Variants in GRIK3 observed in about 807,000 individuals in gnomAD.
GRIK3 encodes the protein glutamate receptor ionotropic, kainate 3.
In GRIK3, 29 loss-of-function variants were observed where a neutral mutation model predicts 102.5. The observed-to-expected ratio is 0.28, with a 90% CI of 0.21 to 0.39. GRIK3 has a LOEUF of 0.39. GRIK3 is among the 10% of genes least tolerant of loss of function. The pLI is 1.00. For synonymous variants in GRIK3, 511 were observed against 504.9 expected (o/e 1.01, Z -0.16); for missense variants, 908 against 1,252.4 (o/e 0.73, Z 4.15).
intron 1 of GRIK3, among the ~76,000 whole-genome samples, chr1:36,989,610 G>A (rs1216435670): frequency 6.6e-6 from 1 of 152,192 alleles, no homozygotes; most frequent in Non-Finnish European, 1.5e-5. Flanking sequence ...CACATGCTTG[G>A]ATCTCTGGGA....
chr1:36,841,529 T>C (rs1336406128), intron 10 of GRIK3, among the ~76,000 whole-genome samples: 1 of 152,172 alleles, frequency 6.6e-6, no homozygotes, highest in African/African-American at 2.4e-5. Context: ...GAGAATGGCG[T>C]TGGGAGTATG....
chr1:36,978,885 GAAAC>G (rs1165595719), intron 1 of GRIK3, among the ~76,000 whole-genome samples: 1 of 152,202 alleles, frequency 6.6e-6, no homozygotes, highest in East Asian at 1.9e-4. Flanking sequence ...GAGGGGTAGG[GAAAC>G]AAACTCCGCC....
At chr1:36,853,969 C>T (rs528934383) in intron 7 of GRIK3, among the ~76,000 whole-genome samples, 22 of 152,294 alleles carry the variant, frequency 1.4e-4, no homozygotes, top group East Asian at 9.6e-4. Context: ...ATCTTGGATG[C>T]GCTCAAATGA....
Position 36,917,592 on chromosome 1 carries a change from A to G in GRIK3, c.116-26496T>C, listed in dbSNP as rs112772154. ...TAGTGAATAAGTCTCACGAGATTTA[A>G]TAAGGAGGAGTTTCCCTGCACAAGC... On this transcript the variant is annotated intron_variant, in intron 1 of 15. Coordinates refer to ENST00000373091, the MANE Select transcript of GRIK3 (RefSeq NM_000831.4). 5.3e-3 allele frequency among the ~76,000 whole-genome samples: 805 copies of G among 152,284 alleles called. 7 individuals are homozygous for G. Among genetic ancestry groups the G allele is most frequent in the African/African-American group, 0.019 (771 of 41,544 alleles).
At chr1:36,984,655 C>T (rs1475443206) in intron 1 of GRIK3, among the ~76,000 whole-genome samples, 3 of 152,184 alleles carry the variant, frequency 2.0e-5, no homozygotes, top group Non-Finnish European at 2.9e-5. Flanking sequence ...TGGCTACAAA[C>T]CCTTGGGAGA....
At chr1:36,815,488 G>C (rs1385791156) in intron 13 of GRIK3, among the ~76,000 whole-genome samples, 1 of 152,220 alleles carries the variant, frequency 6.6e-6, no homozygotes, top group Non-Finnish European at 1.5e-5. Context: ...AGAGCCCAGA[G>C]GAAAGGAAAA....
intron 1 of GRIK3, among the ~76,000 whole-genome samples, chr1:36,906,519 C>T (rs547808): frequency 0.037 from 5,673 of 152,320 alleles, 268 homozygotes; most frequent in East Asian, 0.11. Context: ...CAAATAAAAG[C>T]TACCATGCAA....
chr1:36,917,886 GT>G (rs1313902159), intron 1 of GRIK3, among the ~76,000 whole-genome samples: 1 of 152,154 alleles, frequency 6.6e-6, no homozygotes, highest in Non-Finnish European at 1.5e-5. Flanking sequence ...AGCTGCTCTT[GT>G]CAAAAGCCAG....
At chr1:36,966,221 G>T (rs904338813) in intron 1 of GRIK3, among the ~76,000 whole-genome samples, 1 of 152,184 alleles carries the variant, frequency 6.6e-6, no homozygotes, top group African/African-American at 2.4e-5. Flanking sequence ...CTCTCCACAG[G>T]CCCAGTTCTG....
chr1:36,957,907 C>G (rs1641942105), intron 1 of GRIK3, among the ~76,000 whole-genome samples: 1 of 81,660 alleles, frequency 1.2e-5, no homozygotes, highest in African/African-American at 6.8e-5. Flanking sequence ...CCCTGTGAGT[C>G]TGTGCCCCGT....
Position 36,850,005 on chromosome 1 carries a change from A to T in GRIK3, c.1326+306T>A. The T allele has an allele frequency of 3.4e-6, 1 of 297,678 alleles. No individual in the cohort carries two copies. The highest frequency in any genetic ancestry group is 7.9e-5 in the East Asian group (1 of 12,670). The allele number at this position is 297,678 out of a possible 1,614,324, so 18.4% of individuals were successfully genotyped here. ...ACTGGGGTGGGAGAGGCGAATCCTCACTCAGGTTGCAATGGGCTGTCAAAC... is the reference window on the plus strand; with the variant it reads ...ACTGGGGTGGGAGAGGCGAATCCTCTCTCAGGTTGCAATGGGCTGTCAAAC... On this transcript the variant is annotated intron_variant, in intron 9 of 15. Coordinates refer to ENST00000373091, the MANE Select transcript of GRIK3 (RefSeq NM_000831.4). This position sits in a 1 kb window ranked among gnomAD's most constrained non-coding sequence, Gnocchi z 4.0.
intron 11 of GRIK3, among the ~76,000 whole-genome samples, chr1:36,823,615 G>A (rs1056288782): frequency 1.3e-5 from 2 of 151,962 alleles, no homozygotes. Flanking sequence ...GGTACAACCT[G>A]TTGGAGCTGA....
chr1:36,962,035 GAC>G (rs149286366), intron 1 of GRIK3, among the ~76,000 whole-genome samples: 8,826 of 152,216 alleles, frequency 0.058, 374 homozygotes, highest in Non-Finnish European at 0.088. Context: ...CTGGTGGGAA[GAC>G]ACAGAAAAAT....
At chr1:36,838,876 C>T (rs1415664998) in intron 10 of GRIK3, among the ~76,000 whole-genome samples, 1 of 152,160 alleles carries the variant, frequency 6.6e-6, no homozygotes, top group Non-Finnish European at 1.5e-5. Context: ...ATAGGCTCAT[C>T]AATTGTAGGG....
chr1:36,925,073 G>T (rs4653232), intron 1 of GRIK3, among the ~76,000 whole-genome samples: 152,296 of 152,342 alleles, frequency 1, 76,127 homozygotes, highest in Middle Eastern at 1. Flanking sequence ...ATTATTCAGA[G>T]GATAACAAAT....
chr1:36,924,562 T>G (rs1423388118), intron 1 of GRIK3, among the ~76,000 whole-genome samples: 1 of 152,100 alleles, frequency 6.6e-6, no homozygotes, highest in Non-Finnish European at 1.5e-5. Flanking sequence ...GGTACCCGGT[T>G]GGGGGAGTAG....
At chr1:36,971,746 C>T (rs1273765207) in intron 1 of GRIK3, among the ~76,000 whole-genome samples, 1 of 152,120 alleles carries the variant, frequency 6.6e-6, no homozygotes, top group Non-Finnish European at 1.5e-5. Flanking sequence ...AGGTGGATAG[C>T]AGAGTGAAGA....
intron 13 of GRIK3, among the ~76,000 whole-genome samples, chr1:36,815,822 C>T (rs553475112): frequency 2.0e-5 from 3 of 152,098 alleles, no homozygotes; most frequent in East Asian, 1.9e-4. Flanking sequence ...TTCAGTGGCA[C>T]GATCTTGGCT....
At chr1:36,995,079 C>T (rs1262383789) in intron 1 of GRIK3, among the ~76,000 whole-genome samples, 1 of 152,136 alleles carries the variant, frequency 6.6e-6, no homozygotes, top group African/African-American at 2.4e-5. Flanking sequence ...CAGATGCCCA[C>T]CAGAGGGAGG....
Sources: gnomAD v4.1 joint callset for allele counts (sites outside exome capture counted in the v4.1 genomes callset) on GRCh38, gnomAD v4.1.1 for gene constraint, Gnocchi (gnomAD v3.1) non-coding constraint, MANE v1.5 for transcripts, NCBI Gene and HGNC (gene_info 2026-07-23, HGNC 2026-07-21) for gene names.